Variants in HRK observed in about 807,000 individuals in gnomAD.
HRK encodes activator of apoptosis harakiri.
Under a neutral mutation model 5.9 loss-of-function variants are expected in HRK, and 6 were observed. That is an observed-to-expected ratio of 1.02 (90% CI 0.56 to 2.01). The LOEUF is 2.01. HRK is among the 30% of genes most tolerant of loss of function. HRK has a pLI of 0.00. For synonymous variants in HRK, 85 were observed against 65.1 expected, an observed-to-expected ratio of 1.31 and a Z score of -1.47; for missense variants, 133 against 128.3, an observed-to-expected ratio of 1.04 and a Z score of -0.18.
intron 1 of HRK, 121 bp downstream of exon 1, chr12:116,880,855 G>T (rs374436556): frequency 2.8e-6 from 1 of 358,490 alleles, no homozygotes; most frequent in Non-Finnish European, 4.9e-6. Flanking sequence ...AGAAGAGAAC[G>T]GAGGAAGAAG....
At chr12:116,861,726 G>C (rs1030513703) in intron 1 of HRK, among the ~76,000 whole-genome samples, 3 of 152,208 alleles carry the variant, frequency 2.0e-5, no homozygotes, top group African/African-American at 7.2e-5. Flanking sequence ...TCCCCTCTCT[G>C]CTTTTAGACC....
rs1184217284 is a variant in HRK at position 116,858,943 on chromosome 12, A to C, written c.*2580T>G. The C allele has an allele frequency of 6.6e-6, 1 of 152,184 alleles. No homozygotes were observed. Among genetic ancestry groups the C allele is most frequent in the Non-Finnish European group, 1.5e-5 (1 of 68,022 alleles). 9.4% of individuals were successfully genotyped at this position (152,184 alleles called of 1,614,324 possible). ...CAATTTCCTAATACAAATGTCCATC[A>C]AGAAGTCAAATCTCATATAAAAACA... On this transcript the variant is annotated 3_prime_UTR_variant, in exon 2 of 2. Transcript: ENST00000257572.
chr12:116,870,067 G>C (rs1398387210), intron 1 of HRK, among the ~76,000 whole-genome samples: 1 of 151,574 alleles, frequency 6.6e-6, no homozygotes, highest in Non-Finnish European at 1.5e-5. Flanking sequence ...GCAACAGAGT[G>C]AGACTCCATC....
rs1050870781 is a variant in HRK at position 116,878,724 on chromosome 12, C to A, written c.*56+2252G>T. ...GTCAGGGCGCCAGAGGCTGCAGAAC[C>A]CTGGAGGGTGTGGCTGCAGGGGACG... On this transcript the variant is annotated intron_variant, in intron 1 of 1. Transcript: ENST00000257572. The surrounding 1 kb of genome is among the most constrained non-coding windows in gnomAD (Gnocchi z 4.4). 3.9e-5 allele frequency among the ~76,000 whole-genome samples: 6 copies of A among 152,124 alleles called. No individual in the cohort carries two copies. Among genetic ancestry groups the A allele is most frequent in the Admixed American group, 3.9e-4 (6 of 15,278 alleles).
At chr12:116,868,973 T>TG (rs1032777319) in intron 1 of HRK, among the ~76,000 whole-genome samples, 3 of 151,742 alleles carry the variant, frequency 2.0e-5, no homozygotes, top group Admixed American at 6.6e-5. Flanking sequence ...TCTTCGTTTT[T>TG]TTTTTTTTTT....
At chr12:116,875,163 C>T (rs1249546787) in intron 1 of HRK, among the ~76,000 whole-genome samples, 1 of 152,128 alleles carries the variant, frequency 6.6e-6, no homozygotes, top group Non-Finnish European at 1.5e-5. Context: ...TGATTTAAAG[C>T]CTACAGTGTG....
intron 1 of HRK, among the ~76,000 whole-genome samples, chr12:116,866,098 C>T (rs1878535695): frequency 7.6e-6 from 1 of 130,996 alleles, no homozygotes. Context: ...GCAGAGGTTG[C>T]AGTGAACTGA....
At chr12:116,877,955 G>A (rs918183457) in intron 1 of HRK, among the ~76,000 whole-genome samples, 1 of 152,230 alleles carries the variant, frequency 6.6e-6, no homozygotes, top group Non-Finnish European at 1.5e-5. Flanking sequence ...GCCCAGGCTG[G>A]AGTGCAGTGG....
intron 1 of HRK, among the ~76,000 whole-genome samples, chr12:116,874,581 C>G (rs1352334389): frequency 1.3e-5 from 2 of 152,230 alleles, no homozygotes; most frequent in Non-Finnish European, 2.9e-5. Flanking sequence ...TAGAACCTCA[C>G]CACTCCCCCA....
rs1335013277 is a variant in HRK, at chr12:116,881,135, C to T, written c.173G>A (p.Arg58Lys). Residue 58 changes from arginine to lysine, a missense_variant, in exon 1 of 2, where the codon AGG becomes AAG. By Grantham distance (26) the Arg-to-Lys change is conservative (BLOSUM62 2). Transcript: ENST00000257572. Reference sequence around the variant, plus strand: ...GGGGAGCGCGCCGGGCGCCGGCGCCCTCCGGCTCCGCGCGCGGCGCCGCCA... The same window carrying T: ...GGGGAGCGCGCCGGGCGCCGGCGCCTTCCGGCTCCGCGCGCGGCGCCGCCA... Reference protein sequence around the residue: ...TMWRRRARSRRAPAPGALPTY... With the variant: ...TMWRRRARSRKAPAPGALPTY... 2.5e-6 allele frequency: 3 copies of T among 1,202,728 alleles called. No homozygotes were observed. Among genetic ancestry groups the T allele is most frequent in the Admixed American group, 4.4e-5 (1 of 22,670 alleles). 74.5% of individuals were successfully genotyped at this position (1,202,728 alleles called of 1,614,324 possible).
At chr12:116,864,698 G>A (rs146568016) in intron 1 of HRK, among the ~76,000 whole-genome samples, 54 of 152,280 alleles carry the variant, frequency 3.5e-4, no homozygotes, top group Admixed American at 9.8e-4. Context: ...TATGGCTCAC[G>A]CCTGTAATCC....
rs1024406469 is a variant in HRK at position 116,860,918 on chromosome 12, G to A, written c.*605C>T. ...AGCGATCGACCTAGGTAAGTACAGA[G>A]GGAGAGGCTAGGACGAGTCAAGAAA... is the stretch of plus-strand genomic sequence containing the variant. On this transcript the variant is annotated 3_prime_UTR_variant, in exon 2 of 2. Transcript: ENST00000257572. 7.2e-5 allele frequency: 11 copies of A among 152,176 alleles called. No individual in the cohort carries two copies. Among genetic ancestry groups the A allele is most frequent in the African/African-American group, 2.7e-4 (11 of 41,430 alleles). The allele number at this position is 152,176 out of a possible 1,614,324, so 9.4% of individuals were successfully genotyped here.
At chr12:116,864,837 T>A (rs1878482356) in intron 1 of HRK, among the ~76,000 whole-genome samples, 1 of 152,146 alleles carries the variant, frequency 6.6e-6, no homozygotes, top group Admixed American at 6.6e-5. Context: ...ATCGTGCAAT[T>A]TAAAACTATT....
Position 116,871,731 on chromosome 12 carries a change from G to A in HRK, c.*56+9245C>T, listed in dbSNP as rs145219320. ...AGCCTCAACCTCCCTGGGCTCAAGC[G>A]ATCCTCCCATCTCAGCCTCCCGAGT... is the stretch of plus-strand genomic sequence containing the variant. On this transcript the variant is annotated intron_variant, in intron 1 of 1. Coordinates refer to ENST00000257572, the MANE Select transcript of HRK (RefSeq NM_003806.4). Among the ~76,000 whole-genome samples, 1,255 of 150,588 alleles carry A rather than the reference G, an allele frequency of 8.3e-3. 25 individuals carry two copies. The highest frequency in any genetic ancestry group is 0.029 in the African/African-American group (1,172 of 40,986).
chr12:116,879,676 A>C lies in HRK; in HGVS notation c.*56+1300T>G, dbSNP rs1375198171. On this transcript the variant is annotated intron_variant, in intron 1 of 1. Transcript: ENST00000257572. The surrounding 1 kb of genome is among the most constrained non-coding windows in gnomAD (Gnocchi z 5.6). ...CGCCCGGGCTGCGCGGGCCCACGCGACATCTGTCGCCTGCGGTCCCGGCTC... is the reference window on the plus strand; with the variant it reads ...CGCCCGGGCTGCGCGGGCCCACGCGCCATCTGTCGCCTGCGGTCCCGGCTC... 1.3e-5 allele frequency: 2 copies of C among 152,056 alleles called. No homozygotes were observed. The highest frequency in any genetic ancestry group is 4.8e-5 in the African/African-American group (2 of 41,424). The allele number at this position is 152,056 out of a possible 1,614,324, so 9.4% of individuals were successfully genotyped here. A position where few individuals can be genotyped will look rare whatever the true frequency, so the allele number is the denominator to read the frequency against.
At chr12:116,873,865 A>C (rs950129443) in intron 1 of HRK, among the ~76,000 whole-genome samples, 1 of 152,156 alleles carries the variant, frequency 6.6e-6, no homozygotes, top group African/African-American at 2.4e-5. Flanking sequence ...AGAAGTCGTA[A>C]AAGGATGCAA....
At chr12:116,872,957 A>AAG (rs1321177217) in intron 1 of HRK, among the ~76,000 whole-genome samples, 1 of 149,246 alleles carries the variant, frequency 6.7e-6, no homozygotes, top group Non-Finnish European at 1.5e-5. Flanking sequence ...GAAGGAAAGA[A>AAG]AATCACATCA....
chr12:116,875,938 G>A lies in HRK; in HGVS notation c.*56+5038C>T, dbSNP rs578254462. On this transcript the variant is annotated intron_variant, in intron 1 of 1. Coordinates refer to ENST00000257572, the MANE Select transcript of HRK (RefSeq NM_003806.4). The stretch of plus-strand genomic sequence containing the variant: ...GTTGCCAGGGACTAGGGACACTGTG[G>A]GTTAGCTTTCTATTCCCGTGAAATC... Among the ~76,000 whole-genome samples the A allele has an allele frequency of 3.9e-5, 6 of 152,256 alleles. No individual in the cohort carries two copies. The South Asian group carries it at 1.0e-3, about 26-fold the overall frequency.
chr12:116,874,509 C>G (rs921922250), intron 1 of HRK, among the ~76,000 whole-genome samples: 2 of 152,126 alleles, frequency 1.3e-5, no homozygotes, highest in Non-Finnish European at 2.9e-5. Context: ...AAAATTATCT[C>G]TGTGTTAGAT....
Sources: allele counts gnomAD v4.1 joint callset (sites outside exome capture counted in the v4.1 genomes callset), GRCh38; gene constraint gnomAD v4.1.1; non-coding constraint Gnocchi (gnomAD v3.1); transcripts MANE v1.5; gene names NCBI Gene and HGNC (gene_info 2026-07-23, HGNC 2026-07-21).